Variants in ETS1 observed in about 807,000 individuals in gnomAD.
ETS1 encodes the protein protein C-ets-1.
ETS1 carries 15 observed loss-of-function variants against 58.6 expected under a neutral mutation model. The ratio of observed to expected loss-of-function variants is 0.26; its 90% CI spans 0.17 to 0.39. The LOEUF is 0.39. Among genes scored for constraint, ETS1 ranks in the 10% least tolerant of loss-of-function variants. The pLI is 1.00. For synonymous variants in ETS1, 214 were observed against 218.2 expected (o/e 0.98, Z 0.17); for missense variants, 417 against 610.5 (o/e 0.68, Z 3.34).
rs1434046088 is a variant in ETS1, at chr11:128,460,947, T to C, written c.*1414A>G. 1 of 152,386 alleles carries C rather than the reference T, an allele frequency of 6.6e-6. No homozygotes were observed. The highest frequency in any genetic ancestry group is 6.5e-5 in the Admixed American group (1 of 15,292). 9.4% of individuals were successfully genotyped at this position (152,386 alleles called of 1,614,324 possible). On this transcript the variant is annotated 3_prime_UTR_variant, in exon 10 of 10. Coordinates refer to ENST00000392668, the MANE Select transcript of ETS1 (RefSeq NM_001143820.2). ...AGTCTCACCTGACATCCTACCGGAC[T>C]AATTTAAATTCTTCAAAGGAAAGCC...
At chr11:128,552,050 G>A (rs903494335) in intron 3 of ETS1, among the ~76,000 whole-genome samples, 1 of 152,074 alleles carries the variant, frequency 6.6e-6, no homozygotes, top group African/African-American at 2.4e-5. Flanking sequence ...GCTTCGATAA[G>A]TCTGGGGTAC....
In ETS1 at chr11:128,464,771, G is replaced by C. The variant is rs563082901; in HGVS notation, c.1124-1144C>G. On this transcript the variant is annotated intron_variant, in intron 8 of 9. Coordinates refer to ENST00000392668, the MANE Select transcript of ETS1 (RefSeq NM_001143820.2). This position sits in a 1 kb window ranked among gnomAD's most constrained non-coding sequence, Gnocchi z 4.1. ...AGATTTAACAGGAAACAAACTTTAA[G>C]TTCCCTCTCAATCTAAAAAAGAAAT... 6.6e-6 allele frequency among the ~76,000 whole-genome samples: 1 copy of C among 152,280 alleles called. No homozygotes were observed. Among genetic ancestry groups the C allele is most frequent in the African/African-American group, 2.4e-5 (1 of 41,548 alleles).
At chr11:128,494,086 C>T (rs562374168) in intron 3 of ETS1, among the ~76,000 whole-genome samples, 1 of 152,194 alleles carries the variant, frequency 6.6e-6, no homozygotes, top group Non-Finnish European at 1.5e-5. Context: ...TTAATCACTA[C>T]CTCCATAGAC....
chr11:128,490,639 A>G (rs948785208), intron 3 of ETS1, 63 bp from the exon 4 acceptor site: 15 of 1,348,764 alleles, frequency 1.1e-5, no homozygotes, highest in Admixed American at 3.4e-5. Context: ...ATCATAAAAC[A>G]TTACAAATGG....
In ETS1 at chr11:128,463,310, TG is replaced by T. The variant is rs550418696; in HGVS notation, c.1242+198del. ...CTATCAGCTAATCCTGTAAGACAAA[TG>T]GGGTAACATAGATCTTTTCTCTATT... is the stretch of plus-strand genomic sequence containing the variant. On this transcript the variant is annotated intron_variant, in intron 9 of 9. Transcript: ENST00000392668. This position sits in a 1 kb window ranked among gnomAD's most constrained non-coding sequence, Gnocchi z 4.1. Among the ~76,000 whole-genome samples the T allele has an allele frequency of 2.8e-4, 43 of 152,260 alleles. No individual in the cohort carries two copies. The highest frequency in any genetic ancestry group is 9.1e-4 in the African/African-American group (38 of 41,548).
At chr11:128,498,245 T>C (rs1236859679) in intron 3 of ETS1, among the ~76,000 whole-genome samples, 1 of 151,946 alleles carries the variant, frequency 6.6e-6, no homozygotes, top group Non-Finnish European at 1.5e-5. Flanking sequence ...TTATAAAATA[T>C]AAAGACTTAA....
chr11:128,522,074 CA>C, intron 3 of ETS1: 2 of 1,413,308 alleles, frequency 1.4e-6, no homozygotes, highest in South Asian at 1.5e-5. Flanking sequence ...GGATTAGTAA[CA>C]GGGGGAAGGG....
intron 3 of ETS1, among the ~76,000 whole-genome samples, chr11:128,552,521 A>T (rs566144450): frequency 6.6e-6 from 1 of 152,344 alleles, no homozygotes; most frequent in African/African-American, 2.4e-5. Flanking sequence ...GCAAAAGTGT[A>T]CTTTGCTCAC....
chr11:128,573,847 A>T (rs1864688210), intron 1 of ETS1, among the ~76,000 whole-genome samples: 1 of 152,226 alleles, frequency 6.6e-6, no homozygotes, highest in African/African-American at 2.4e-5. Context: ...AATACTTTCG[A>T]AAGTTCATTA....
At chr11:128,489,158 C>T (rs1042438078) in intron 5 of ETS1, 132 bp downstream of exon 5, 5 of 755,752 alleles carry the variant, frequency 6.6e-6, no homozygotes, top group Non-Finnish European at 9.4e-6. Flanking sequence ...GTACTAGGCA[C>T]ATTCCCACAT....
At position 128,485,063 on chromosome 11, in the gene ETS1, T is replaced by C; in HGVS notation, c.622A>G (p.Ile208Val). The change falls in exon 7 of 10, where the codon ATT becomes GTT. Residue 208 changes from isoleucine (I) to valine (V), a missense_variant. Transcript: ENST00000392668. ...YTSDYFISYG[I>V]EHAQCVPPSE... Reference sequence around the variant, plus strand: ...GGTGGAACACACTGGGCATGCTCAATACCATAGCCTGGAAACAAAGGGTTT... The same window carrying C: ...GGTGGAACACACTGGGCATGCTCAACACCATAGCCTGGAAACAAAGGGTTT... 1.9e-6 allele frequency: 3 copies of C among 1,609,810 alleles called. No individual in the cohort carries two copies. Among genetic ancestry groups the C allele is most frequent in the South Asian group, 1.1e-5 (1 of 90,838 alleles).
intron 8 of ETS1, among the ~76,000 whole-genome samples, chr11:128,478,336 A>G (rs1193946922): frequency 6.6e-5 from 3 of 45,318 alleles, no homozygotes; most frequent in Non-Finnish European, 1.1e-4. Flanking sequence ...GGAAGGAAGG[A>G]AGGAGGAAGG....
At position 128,480,307 on chromosome 11, in the gene ETS1, G is replaced by T. The variant is rs1201251859; in HGVS notation, c.1007C>A (p.Pro336Gln). The part of the protein sequence containing the change: ...SYDSFDSEDY[P>Q]AALPNHKPKG... ...GGGCTTGTGGTTGGGCAGGGCAGCC[G>T]GATAGTCCTCTGAGTCGAAGCTGTC... is the stretch of plus-strand genomic sequence containing the variant. The change falls in exon 8 of 10, where the codon CCG (proline) becomes CAG (glutamine). Residue 336 changes from proline (P) to glutamine (Q), a missense_variant. Transcript: ENST00000392668. 4 of 1,614,142 alleles carry T rather than the reference G, an allele frequency of 2.5e-6. No homozygotes were observed. Among genetic ancestry groups the T allele is most frequent in the Non-Finnish European group, 3.4e-6 (4 of 1,180,026 alleles).
At position 128,462,148 on chromosome 11, in the gene ETS1, A is replaced by C; in HGVS notation, c.*213T>G. On this transcript the variant is annotated 3_prime_UTR_variant, in exon 10 of 10. Coordinates refer to ENST00000392668, the MANE Select transcript of ETS1 (RefSeq NM_001143820.2). The stretch of plus-strand genomic sequence containing the variant: ...TCCCTCTCCTGAAAATTTGCTCAAG[A>C]ATTTCTGGTCCCACCCACCCCACAA... 1 of 520,776 alleles carries C rather than the reference A, an allele frequency of 1.9e-6. No individual in the cohort carries two copies. The highest frequency in any genetic ancestry group is 3.4e-6 in the Non-Finnish European group (1 of 291,708). The allele number at this position is 520,776 out of a possible 1,614,324, so 32.3% of individuals were successfully genotyped here.
chr11:128,579,678 G>C (rs199892499), intron 1 of ETS1, among the ~76,000 whole-genome samples: 1 of 131,614 alleles, frequency 7.6e-6, no homozygotes, highest in Non-Finnish European at 1.7e-5. Flanking sequence ...AAAAAAAAAA[G>C]AATTTGGTGT....
At chr11:128,491,227 C>T (rs1460614015) in intron 3 of ETS1, among the ~76,000 whole-genome samples, 1 of 152,102 alleles carries the variant, frequency 6.6e-6, no homozygotes, top group Non-Finnish European at 1.5e-5. Context: ...ATTCATTCAA[C>T]AAATGATTAT....
intron 5 of ETS1, among the ~76,000 whole-genome samples, chr11:128,488,009 C>T (rs138441233): frequency 6.6e-6 from 1 of 152,264 alleles, no homozygotes; most frequent in East Asian, 1.9e-4. Flanking sequence ...AAACACCTAG[C>T]AGCTCCATTT....
chr11:128,469,700 C>T (rs532112622), intron 8 of ETS1, among the ~76,000 whole-genome samples: 9 of 152,294 alleles, frequency 5.9e-5, no homozygotes, highest in African/African-American at 2.2e-4. Flanking sequence ...ATGAATAACT[C>T]AAGAAACTGT....
chr11:128,525,386 A>C (rs1338578049), intron 3 of ETS1, among the ~76,000 whole-genome samples: 1 of 152,140 alleles, frequency 6.6e-6, no homozygotes. Flanking sequence ...AGAAATATAA[A>C]TATACACTTA....
Sources: gnomAD v4.1 joint callset for allele counts (sites outside exome capture counted in the v4.1 genomes callset) on GRCh38, gnomAD v4.1.1 for gene constraint, Gnocchi (gnomAD v3.1) non-coding constraint, MANE v1.5 for transcripts, NCBI Gene and HGNC (gene_info 2026-07-23, HGNC 2026-07-21) for gene names.